PDGFC: variants seen among roughly 807,000 people sequenced by gnomAD.
PDGFC encodes platelet-derived growth factor C.
PDGFC carries 12 observed loss-of-function variants against 35.5 expected under a neutral mutation model. That is an observed-to-expected ratio of 0.34 (90% confidence interval 0.22 to 0.55). PDGFC has a LOEUF of 0.55. PDGFC is among the 20% of genes least tolerant of loss of function. The pLI is 0.91. For synonymous variants in PDGFC, 159 were observed against 148.8 expected (o/e 1.07, Z -0.50); for missense variants, 322 against 412.4 (o/e 0.78, Z 1.90).
At chr4:156,804,285 A>G (rs1204155851) in intron 3 of PDGFC, among the ~76,000 whole-genome samples, 1 of 152,088 alleles carries the variant, frequency 6.6e-6, no homozygotes, top group Non-Finnish European at 1.5e-5. Context: ...ATCAAACTAT[A>G]GTTTAGAGCA....
intron 3 of PDGFC, among the ~76,000 whole-genome samples, chr4:156,788,947 T>A (rs1731203928): frequency 6.6e-6 from 1 of 152,200 alleles, no homozygotes; most frequent in African/African-American, 2.4e-5. Flanking sequence ...CTACTGCTAT[T>A]CATAATTTAG....
chr4:156,932,456 T>C (rs912734824), intron 1 of PDGFC, among the ~76,000 whole-genome samples: 2 of 152,186 alleles, frequency 1.3e-5, no homozygotes, highest in Admixed American at 6.5e-5. Flanking sequence ...CATGTGTTTA[T>C]TGTGGCACTA....
chr4:156,944,676 T>C (rs1731895522), intron 1 of PDGFC, among the ~76,000 whole-genome samples: 1 of 152,060 alleles, frequency 6.6e-6, no homozygotes, highest in Admixed American at 6.6e-5. Flanking sequence ...CCATCTCAAC[T>C]CCCAATTTCC....
At chr4:156,876,785 A>G (rs976159575) in intron 1 of PDGFC, 2 of 152,150 alleles carry the variant, frequency 1.3e-5, no homozygotes, top group African/African-American at 4.8e-5. Flanking sequence ...CTGGTGAGAT[A>G]AGTGTTATCT....
At position 156,899,344 on chromosome 4, in the gene PDGFC, C is replaced by T. The variant is rs914826987; in HGVS notation, c.119-48928G>A. Among the ~76,000 whole-genome samples the T allele has an allele frequency of 2.6e-5, 4 of 152,106 alleles. No individual in the cohort carries two copies. In the South Asian group the frequency reaches 8.3e-4, roughly 32 times the overall value. ...ATTTTATAGCAGGGACTTGAGCAAC[C>T]TTGGATTTTGGTATCCATGGGAGTC... On this transcript the variant is annotated intron_variant, in intron 1 of 5. Coordinates refer to ENST00000502773, the MANE Select transcript of PDGFC (RefSeq NM_016205.3).
In PDGFC at chr4:156,844,446, A is replaced by T. The variant is rs1483218270; in HGVS notation, c.314+5775T>A. ...AAAAGAAGTAATAGAATAGAATCCA[A>T]AATATCCATACAAACAATCCACGTA... On this transcript the variant is annotated intron_variant, in intron 2 of 5. Transcript: ENST00000502773. 2.6e-5 allele frequency among the ~76,000 whole-genome samples: 4 copies of T among 152,248 alleles called. No homozygotes were observed. The South Asian group carries it at 6.2e-4, about 24-fold the overall frequency.
intron 2 of PDGFC, among the ~76,000 whole-genome samples, chr4:156,821,705 G>A (rs778405157): frequency 5.9e-5 from 9 of 152,026 alleles, no homozygotes; most frequent in Non-Finnish European, 1.0e-4. Context: ...GCACCACCAT[G>A]GCCTGGCTAA....
At chr4:156,793,067 C>T (rs1731339827) in intron 3 of PDGFC, among the ~76,000 whole-genome samples, 1 of 152,068 alleles carries the variant, frequency 6.6e-6, no homozygotes, top group Non-Finnish European at 1.5e-5. Context: ...AACAAGCTGT[C>T]TATTTTAATA....
At chr4:156,821,931 C>T (rs1732273247) in intron 2 of PDGFC, among the ~76,000 whole-genome samples, 1 of 152,154 alleles carries the variant, frequency 6.6e-6, no homozygotes, top group Admixed American at 6.5e-5. Context: ...AAAATGATTC[C>T]AAAACTGCTG....
chr4:156,775,094 C>T (rs538337529), intron 3 of PDGFC, among the ~76,000 whole-genome samples: 1 of 152,106 alleles, frequency 6.6e-6, no homozygotes, highest in East Asian at 1.9e-4. Context: ...GTTTTTATTA[C>T]CCAGTGTTTT....
chr4:156,824,325 T>TATACACACACATATACAC (rs1553967637), intron 2 of PDGFC, among the ~76,000 whole-genome samples: 34 of 109,608 alleles, frequency 3.1e-4, no homozygotes, highest in African/African-American at 1.6e-3. Flanking sequence ...TATATATATA[T>TATACACACACATATACAC]ATACACACAC....
chr4:156,970,256 A>G (rs1732559302), intron 1 of PDGFC, among the ~76,000 whole-genome samples: 1 of 152,224 alleles, frequency 6.6e-6, no homozygotes, highest in Non-Finnish European at 1.5e-5. Context: ...ACTAGGGAGC[A>G]AGAGAAATAC....
At chr4:156,962,407 T>C (rs1732364553) in intron 1 of PDGFC, among the ~76,000 whole-genome samples, 2 of 152,058 alleles carry the variant, frequency 1.3e-5, no homozygotes, top group Admixed American at 6.5e-5. Flanking sequence ...ACCAACCACT[T>C]AGTAAATCAA....
chr4:156,879,846 T>C (rs1730200696), intron 1 of PDGFC, among the ~76,000 whole-genome samples: 1 of 152,236 alleles, frequency 6.6e-6, no homozygotes. Context: ...GATACAACTT[T>C]CTGTTGCTGA....
chr4:156,773,055 T>G (rs181504646), intron 3 of PDGFC, among the ~76,000 whole-genome samples, 162 bp from the exon 4 acceptor site: 1 of 152,232 alleles, frequency 6.6e-6, no homozygotes, highest in South Asian at 2.1e-4. Flanking sequence ...TTCATGAAGA[T>G]GAACTCTGAT....
intron 1 of PDGFC, among the ~76,000 whole-genome samples, chr4:156,923,441 T>C (rs889032366): frequency 1.3e-5 from 2 of 152,176 alleles, no homozygotes; most frequent in Non-Finnish European, 2.9e-5. Flanking sequence ...TGAATAGATA[T>C]AGAAAACTAG....
chr4:156,778,783 C>T (rs1730896239), intron 3 of PDGFC, among the ~76,000 whole-genome samples: 1 of 152,058 alleles, frequency 6.6e-6, no homozygotes, highest in Non-Finnish European at 1.5e-5. Context: ...AAATGTTTAC[C>T]TTGAGTAGCA....
intron 3 of PDGFC, 23 bp downstream of exon 3, chr4:156,810,814 G>A: frequency 6.9e-7 from 1 of 1,440,414 alleles, no homozygotes; most frequent in Non-Finnish European, 9.6e-7. Context: ...AATTAAATAA[G>A]GGGATCTGAA....
At chr4:156,835,085 C>T (rs970501252) in intron 2 of PDGFC, among the ~76,000 whole-genome samples, 9 of 152,006 alleles carry the variant, frequency 5.9e-5, no homozygotes, top group South Asian at 2.1e-4. Context: ...GGGATAGGGT[C>T]GGAGAGGGCT....
Sources: gnomAD v4.1 joint callset for allele counts (sites outside exome capture counted in the v4.1 genomes callset) on GRCh38, gnomAD v4.1.1 for gene constraint, MANE v1.5 for transcripts, NCBI Gene and HGNC (gene_info 2026-07-23, HGNC 2026-07-21) for gene names.